Variants in RABGAP1L observed in about 807,000 individuals in gnomAD.
RABGAP1L encodes the protein rab GTPase-activating protein 1-like.
A neutral mutation model predicts 137.7 loss-of-function variants in RABGAP1L; 63 were observed. That is an observed-to-expected ratio of 0.46 (90% confidence interval 0.37 to 0.56). The LOEUF (loss-of-function observed/expected upper bound fraction) is 0.56. Among genes scored for constraint, RABGAP1L ranks in the 20% least tolerant of loss-of-function variants. The probability of loss-of-function intolerance (pLI) is 0.00; values close to 1 mark genes in which losing one functional copy is unlikely to be tolerated. For synonymous variants in RABGAP1L, 431 were observed against 433.7 expected (o/e 0.99, Z 0.08); for missense variants, 1,095 against 1,244.0 (o/e 0.88, Z 1.80).
chr1:174,211,875 A>G (rs1047584540), intron 1 of RABGAP1L, among the ~76,000 whole-genome samples: 2 of 152,184 alleles, frequency 1.3e-5, no homozygotes, highest in East Asian at 3.8e-4. Context: ...AACTATTAGA[A>G]GAGACAAAGA....
chr1:174,500,339 C>T (rs1185156831), intron 13 of RABGAP1L, among the ~76,000 whole-genome samples: 1 of 152,090 alleles, frequency 6.6e-6, no homozygotes. Flanking sequence ...CTCGGCCTCC[C>T]AAAGTGCTGG....
chr1:174,308,333 C>T (rs1678499418), intron 11 of RABGAP1L, among the ~76,000 whole-genome samples: 1 of 151,652 alleles, frequency 6.6e-6, no homozygotes, highest in South Asian at 2.1e-4. Context: ...TGTAGGTTGC[C>T]CTTTCATACT....
chr1:174,609,744 C>T (rs1405374073), intron 13 of RABGAP1L, among the ~76,000 whole-genome samples: 1 of 152,134 alleles, frequency 6.6e-6, no homozygotes, highest in Non-Finnish European at 1.5e-5. Flanking sequence ...GTGTTTTATA[C>T]ACCTTAATTA....
At chr1:174,507,141 AAATT>A (rs1277944937) in intron 13 of RABGAP1L, among the ~76,000 whole-genome samples, 2 of 152,232 alleles carry the variant, frequency 1.3e-5, no homozygotes, top group African/African-American at 4.8e-5. Flanking sequence ...ATAGCTTAAT[AAATT>A]GACAATGTTC....
At chr1:174,930,064 G>T (rs981987980) in intron 19 of RABGAP1L, among the ~76,000 whole-genome samples, 2 of 150,822 alleles carry the variant, frequency 1.3e-5, no homozygotes, top group Non-Finnish European at 2.9e-5. Flanking sequence ...GCTCTGGCTG[G>T]TCTCAAACTC....
At chr1:174,442,359 A>G (rs922871564) in intron 13 of RABGAP1L, among the ~76,000 whole-genome samples, 1 of 152,226 alleles carries the variant, frequency 6.6e-6, no homozygotes, top group Admixed American at 6.5e-5. Context: ...TTGCCTTTTC[A>G]TCCTTAAACA....
intron 19 of RABGAP1L, chr1:174,893,032 C>A: frequency 3.9e-6 from 1 of 259,326 alleles, no homozygotes; most frequent in Non-Finnish European, 7.9e-6. Flanking sequence ...AGGCATGAGC[C>A]ACCACGCCCA....
chr1:174,653,937 C>A (rs1218072647), intron 14 of RABGAP1L, among the ~76,000 whole-genome samples: 1 of 152,002 alleles, frequency 6.6e-6, no homozygotes, highest in Non-Finnish European at 1.5e-5. Flanking sequence ...AAGCCTGTCA[C>A]CAAGACAGGA....
intron 14 of RABGAP1L, among the ~76,000 whole-genome samples, chr1:174,652,474 G>T (rs564974558): frequency 6.6e-6 from 1 of 152,248 alleles, no homozygotes; most frequent in South Asian, 2.1e-4. Context: ...GTAACCTTTG[G>T]ATGGCGTTTT....
intron 18 of RABGAP1L, among the ~76,000 whole-genome samples, chr1:174,811,450 C>T (rs1290956872): frequency 2.0e-5 from 3 of 152,124 alleles, no homozygotes; most frequent in Admixed American, 2.0e-4. Context: ...TAATAATATC[C>T]TTAAAATGTT....
chr1:174,518,320 A>T (rs994973789), intron 13 of RABGAP1L, among the ~76,000 whole-genome samples: 2 of 152,238 alleles, frequency 1.3e-5, no homozygotes, highest in East Asian at 3.9e-4. Flanking sequence ...ACGCCCACAG[A>T]CGCCAACCTC....
intron 19 of RABGAP1L, among the ~76,000 whole-genome samples, chr1:174,952,899 T>A (rs1255276852): frequency 6.6e-6 from 1 of 151,920 alleles, no homozygotes; most frequent in Non-Finnish European, 1.5e-5. Flanking sequence ...CAAAATAAGT[T>A]TTATTAGAAA....
At chr1:174,901,792 G>A (rs1052450186) in intron 19 of RABGAP1L, among the ~76,000 whole-genome samples, 1 of 152,134 alleles carries the variant, frequency 6.6e-6, no homozygotes, top group African/African-American at 2.4e-5. Context: ...TGCATTGATC[G>A]TTTCTCATCT....
At chr1:174,892,742 T>C (rs1656407327) in intron 19 of RABGAP1L, 1 of 469,856 alleles carries the variant, frequency 2.1e-6, no homozygotes, top group South Asian at 1.6e-5. Context: ...CTTTTTTTTT[T>C]TTTTGTGATG....
chr1:174,218,302 A>G (rs1324343289), intron 1 of RABGAP1L, among the ~76,000 whole-genome samples: 3 of 152,098 alleles, frequency 2.0e-5, no homozygotes, highest in African/African-American at 4.8e-5. Flanking sequence ...TCTTACTAGT[A>G]TGTAAGCCCC....
At chr1:174,727,378 T>C (rs1267579548) in intron 17 of RABGAP1L, among the ~76,000 whole-genome samples, 1 of 152,234 alleles carries the variant, frequency 6.6e-6, no homozygotes, top group Admixed American at 6.5e-5. Context: ...CCTATTTAAA[T>C]GCTGATTCGG....
chr1:174,817,351 G>A (rs761828839), intron 19 of RABGAP1L, among the ~76,000 whole-genome samples: 5 of 152,180 alleles, frequency 3.3e-5, no homozygotes, highest in Non-Finnish European at 7.4e-5. Flanking sequence ...TTCAGAGGAA[G>A]TAAGAGTTAA....
intron 11 of RABGAP1L, among the ~76,000 whole-genome samples, chr1:174,323,367 A>T (rs775414086): frequency 6.6e-6 from 1 of 152,126 alleles, no homozygotes; most frequent in Non-Finnish European, 1.5e-5. Flanking sequence ...CTGAAAGCCC[A>T]TGATTTTTCA....
chr1:174,648,669 A>G (rs1675192623), intron 14 of RABGAP1L, among the ~76,000 whole-genome samples: 1 of 152,124 alleles, frequency 6.6e-6, no homozygotes, highest in South Asian at 2.1e-4. Context: ...AGAAAAATGT[A>G]TATTCTGTTG....
Sources: allele counts gnomAD v4.1 joint callset (sites outside exome capture counted in the v4.1 genomes callset), GRCh38; gene constraint gnomAD v4.1.1; transcripts MANE v1.5; gene names NCBI Gene and HGNC (gene_info 2026-07-23, HGNC 2026-07-21).